The following HSPA4L variants were observed in gnomAD, a reference collection of about 807,000 sequenced individuals.
HSPA4L encodes heat shock protein family A (Hsp70) member 4 like, also known as heat shock 70 kDa protein 4L.
Under a neutral mutation model 100.3 loss-of-function variants are expected in HSPA4L, and 48 were observed. That is an observed-to-expected ratio of 0.48 (90% CI 0.38 to 0.61). The LOEUF (loss-of-function observed/expected upper bound fraction) is 0.61. HSPA4L is among the 20% of genes least tolerant of loss of function. HSPA4L has a pLI of 0.00. For missense variants in HSPA4L, 886 were observed against 988.6 expected, an observed-to-expected ratio of 0.90 and a Z score of 1.39; for synonymous variants, 319 against 328.2, an observed-to-expected ratio of 0.97 and a Z score of 0.30.
chr4:127,811,036 T>C (rs944062645), intron 11 of HSPA4L, among the ~76,000 whole-genome samples: 18 of 152,336 alleles, frequency 1.2e-4, no homozygotes, highest in African/African-American at 3.8e-4. Flanking sequence ...AAGATGGTTA[T>C]GATTTGTAAA....
chr4:127,832,562 C>T, intron 18 of HSPA4L, 121 bp from the exon 19 acceptor site: 1 of 847,764 alleles, frequency 1.2e-6, no homozygotes, highest in Non-Finnish European at 1.8e-6. Context: ...GGCTATCTAG[C>T]TGAGCAAATT....
At position 127,836,366 on chromosome 4, in the gene HSPA4L, CA is replaced by C; in HGVS notation, c.*3497del. Reference sequence around the variant, plus strand: ...TGGGCAACAGAGCAAGACTCCATCTCAAAAACAAAACAAAACAAAAACATAA... The same window carrying C: ...TGGGCAACAGAGCAAGACTCCATCTCAAAACAAAACAAAACAAAAACATAA... On this transcript the variant is annotated 3_prime_UTR_variant, in exon 19 of 19. Transcript: ENST00000296464. The C allele has an allele frequency of 6.3e-6, 1 of 159,038 alleles. No individual in the cohort carries two copies. The highest frequency in any genetic ancestry group is 1.3e-5 in the Non-Finnish European group (1 of 74,356). The allele number at this position is 159,038 out of a possible 1,614,324, so 9.9% of individuals were successfully genotyped here.
intron 9 of HSPA4L, 134 bp downstream of exon 9, chr4:127,805,358 A>G (rs769323075): frequency 7.6e-6 from 5 of 654,002 alleles, no homozygotes; most frequent in Non-Finnish European, 1.2e-5. Flanking sequence ...TTTCTGATAA[A>G]TAAGTCTTAT....
intron 3 of HSPA4L, among the ~76,000 whole-genome samples, chr4:127,798,227 G>C (rs964490713): frequency 6.6e-6 from 1 of 152,100 alleles, no homozygotes; most frequent in African/African-American, 2.4e-5. Context: ...GGAGAGTTCT[G>C]ACTTTCAAAA....
chr4:127,809,422 A>C, intron 11 of HSPA4L: 1 of 1,252,876 alleles, frequency 8.0e-7, no homozygotes, highest in South Asian at 1.2e-5. Flanking sequence ...ATAACTCAAG[A>C]CTCTGCATTT....
chr4:127,803,640 TACC>T lies in HSPA4L; in HGVS notation c.676_678del (p.Thr226del). The T allele has an allele frequency of 6.2e-7, 1 of 1,611,856 alleles. No individual in the cohort carries two copies. Reference sequence around the variant, plus strand: ...TTTCAATTAAACAGGTCTTGGCTACTACCTTTGATCCATATTTGGGTGGCAGGA... The same window carrying T: ...TTTCAATTAAACAGGTCTTGGCTACTTTTGATCCATATTTGGGTGGCAGGA... On this transcript the variant is annotated inframe_deletion, in exon 7 of 19. Transcript: ENST00000296464.
At chr4:127,784,962 C>T (rs1419334985) in intron 1 of HSPA4L, among the ~76,000 whole-genome samples, 1 of 152,114 alleles carries the variant, frequency 6.6e-6, no homozygotes, top group Non-Finnish European at 1.5e-5. Context: ...ATAAAATGAT[C>T]CTATGAAAAG....
rs1553932967 is a variant in HSPA4L, at chr4:127,801,499, GTGTA to G, written c.529+267_529+270del. 7.4e-3 allele frequency among the ~76,000 whole-genome samples: 974 copies of G among 131,074 alleles called. 10 individuals are homozygous for G. Among genetic ancestry groups the G allele is most frequent in the Admixed American group, 0.032 (401 of 12,634 alleles). 86.0% of individuals were successfully genotyped at this position (131,074 alleles called of 152,430 possible). On this transcript the variant is annotated intron_variant, in intron 5 of 18. Coordinates refer to ENST00000296464, the MANE Select transcript of HSPA4L (RefSeq NM_014278.4). Reference sequence around the variant, plus strand: ...TGTGTGTGTGTGTGTGTGTGTGTGTGTGTATGTACTGATTCTTATAAGCTTGTTA... The same window carrying G: ...TGTGTGTGTGTGTGTGTGTGTGTGTGTGTACTGATTCTTATAAGCTTGTTA...
chr4:127,796,162 AAATG>A (rs1733016652), intron 3 of HSPA4L, among the ~76,000 whole-genome samples: 1 of 152,120 alleles, frequency 6.6e-6, no homozygotes, highest in South Asian at 2.1e-4. Context: ...TAGGGGATAA[AAATG>A]AAGGTATATA....
chr4:127,805,526 T>TAC (rs1318408538), intron 9 of HSPA4L, among the ~76,000 whole-genome samples, 161 bp from the exon 10 acceptor site: 2 of 152,110 alleles, frequency 1.3e-5, no homozygotes, highest in Admixed American at 6.5e-5. Flanking sequence ...ACATAAAGAG[T>TAC]ACTCAGGCCC....
intron 18 of HSPA4L, among the ~76,000 whole-genome samples, chr4:127,831,806 G>T (rs916499000): frequency 2.9e-4 from 44 of 151,640 alleles, no homozygotes; most frequent in Non-Finnish European, 5.2e-4. Context: ...GGAATTTCAG[G>T]GGATTTTTAA....
At position 127,838,459 on chromosome 4, in the gene HSPA4L, G is replaced by A. The variant is rs923563913; in HGVS notation, c.*5585G>A. On this transcript the variant is annotated 3_prime_UTR_variant, in exon 19 of 19. Transcript: ENST00000296464. ...AAGAAACAAAGCTAATTGAAATAAT[G>A]TACATTTGGTTCAGTCTGTCAGGCA... 6.6e-6 allele frequency: 1 copy of A among 152,164 alleles called. No individual in the cohort carries two copies. Among genetic ancestry groups the A allele is most frequent in the African/African-American group, 2.4e-5 (1 of 41,436 alleles). 9.4% of individuals were successfully genotyped at this position (152,164 alleles called of 1,614,324 possible).
In HSPA4L at chr4:127,820,452, C is replaced by G; in HGVS notation, c.1699C>G (p.Arg567Gly). The change falls in exon 14 of 19, where the codon CGA becomes GGA. Residue 567 changes from arginine (R) to glycine (G), a missense_variant. Physicochemically the swap from Arg to Gly is moderately radical, Grantham distance 125 (BLOSUM62 -2). Coordinates refer to ENST00000296464, the MANE Select transcript of HSPA4L (RefSeq NM_014278.4). ...GTCAGCTGTCTCAGACAAACAAGAC[C>G]GATTAAATCAGACACTTAAAAAAGG... The part of the protein sequence containing the change: ...TKSAVSDKQD[R>G]LNQTLKKGKV... The G allele has an allele frequency of 6.3e-7, 1 of 1,597,986 alleles. No individual in the cohort carries two copies. Among genetic ancestry groups the G allele is most frequent in the Non-Finnish European group, 8.5e-7 (1 of 1,174,078 alleles).
intron 6 of HSPA4L, among the ~76,000 whole-genome samples, chr4:127,803,400 T>G (rs1022911919): frequency 6.6e-6 from 1 of 152,116 alleles, no homozygotes; most frequent in African/African-American, 2.4e-5. Flanking sequence ...TTCTTTTAAT[T>G]ATGATATATG....
intron 17 of HSPA4L, among the ~76,000 whole-genome samples, chr4:127,828,137 C>T (rs7664098): frequency 1.3e-5 from 2 of 152,172 alleles, no homozygotes; most frequent in Middle Eastern, 3.4e-3. Flanking sequence ...ATAGACAATA[C>T]ACAAACTAAT....
chr4:127,820,315 C>G, intron 13 of HSPA4L, 113 bp from the exon 14 acceptor site: 1 of 881,286 alleles, frequency 1.1e-6, no homozygotes, highest in Non-Finnish European at 1.7e-6. Flanking sequence ...TAAGGTAGTA[C>G]TTTAAAATAA....
chr4:127,792,024 G>C (rs1732891221), intron 1 of HSPA4L, among the ~76,000 whole-genome samples: 1 of 152,124 alleles, frequency 6.6e-6, no homozygotes, highest in Non-Finnish European at 1.5e-5. Flanking sequence ...CTTTTTAACT[G>C]TTTGCTTTCT....
At chr4:127,800,160 A>G (rs778901270) in intron 4 of HSPA4L, among the ~76,000 whole-genome samples, 21 of 152,170 alleles carry the variant, frequency 1.4e-4, no homozygotes, top group Non-Finnish European at 2.8e-4. Context: ...ATTTTTAAAT[A>G]GAGATGTAGT....
intron 1 of HSPA4L, among the ~76,000 whole-genome samples, chr4:127,790,119 G>A (rs528849768): frequency 6.6e-6 from 1 of 152,274 alleles, no homozygotes; most frequent in South Asian, 2.1e-4. Flanking sequence ...TTTGTGAAGC[G>A]ATACATGTAT....
Sources: allele counts gnomAD v4.1 joint callset (sites outside exome capture counted in the v4.1 genomes callset), GRCh38; gene constraint gnomAD v4.1.1; transcripts MANE v1.5; gene names NCBI Gene and HGNC (gene_info 2026-07-23, HGNC 2026-07-21).